TM9SF3: variants seen among roughly 807,000 people sequenced by gnomAD.
TM9SF3 encodes the protein transmembrane 9 superfamily member 3, also known as SM-11044-binding protein.
TM9SF3 carries 14 observed loss-of-function variants against 78.6 expected under a neutral mutation model. That is an observed-to-expected ratio of 0.18 (90% CI 0.12 to 0.28). The LOEUF (loss-of-function observed/expected upper bound fraction) is 0.28, where lower values mean the gene tolerates loss of function less well. TM9SF3 is among the 10% of genes least tolerant of loss of function. TM9SF3 has a pLI of 1.00. For synonymous variants in TM9SF3, 231 were observed against 241.7 expected, an observed-to-expected ratio of 0.96 and a Z score of 0.41; for missense variants, 496 against 721.9, an observed-to-expected ratio of 0.69 and a Z score of 3.59.
At chr10:96,579,577 A>G (rs1166788757) in intron 1 of TM9SF3, among the ~76,000 whole-genome samples, 1 of 152,194 alleles carries the variant, frequency 6.6e-6, no homozygotes, top group Non-Finnish European at 1.5e-5. Flanking sequence ...TCCTTAACAG[A>G]GTGGTAGAGT....
At chr10:96,547,776 C>T in intron 8 of TM9SF3, 119 bp downstream of exon 8, 2 of 781,696 alleles carry the variant, frequency 2.6e-6, no homozygotes, top group Non-Finnish European at 4.1e-6. Context: ...GCAGAGATTG[C>T]ACCACTGCAC....
chr10:96,562,166 G>A (rs777051203), intron 3 of TM9SF3, 28 bp from the exon 4 acceptor site: 1 of 1,527,068 alleles, frequency 6.5e-7, no homozygotes, highest in Non-Finnish European at 8.9e-7. Context: ...CTTTATACAA[G>A]GTAAAACCAC....
intron 8 of TM9SF3, among the ~76,000 whole-genome samples, chr10:96,546,748 G>A (rs1589452197): frequency 6.6e-6 from 1 of 152,036 alleles, no homozygotes; most frequent in East Asian, 1.9e-4. Context: ...AAAAAGCAAT[G>A]GTAAACCAAG....
At chr10:96,572,982 G>A (rs1025982170) in intron 2 of TM9SF3, among the ~76,000 whole-genome samples, 3 of 151,992 alleles carry the variant, frequency 2.0e-5, no homozygotes, top group Non-Finnish European at 2.9e-5. Flanking sequence ...TTTACAAAAC[G>A]ATACCAATCC....
chr10:96,569,719 T>C (rs929173685), intron 2 of TM9SF3, among the ~76,000 whole-genome samples: 1 of 151,986 alleles, frequency 6.6e-6, no homozygotes. Flanking sequence ...GAAGGAAGGA[T>C]CAAAATATCA....
intron 3 of TM9SF3, 78 bp from the exon 4 acceptor site, chr10:96,562,216 G>GTTTTTT (rs34868868): frequency 1.1e-4 from 64 of 561,128 alleles, no homozygotes; most frequent in South Asian, 3.4e-4. Context: ...TGCTCATTAA[G>GTTTTTT]TTTTTTTTTT....
intron 2 of TM9SF3, among the ~76,000 whole-genome samples, chr10:96,575,226 C>T (rs1848483603): frequency 6.6e-6 from 1 of 152,116 alleles, no homozygotes; most frequent in South Asian, 2.1e-4. Flanking sequence ...TAGAAATGCA[C>T]ACCAAATACG....
chr10:96,554,240 C>T (rs920107923), intron 5 of TM9SF3, among the ~76,000 whole-genome samples: 2 of 152,206 alleles, frequency 1.3e-5, no homozygotes, highest in Non-Finnish European at 2.9e-5. Flanking sequence ...CTATTATTCT[C>T]TTTTGAAGTG....
intron 1 of TM9SF3, among the ~76,000 whole-genome samples, chr10:96,585,448 ATTATC>A (rs1374618284): frequency 6.6e-6 from 1 of 152,238 alleles, no homozygotes; most frequent in Non-Finnish European, 1.5e-5. Flanking sequence ...TCCCAACAAA[ATTATC>A]TTAGGTGAAA....
At chr10:96,567,084 CTTTTTTTT>C (rs5787198) in intron 2 of TM9SF3, among the ~76,000 whole-genome samples, 1 of 124,846 alleles carries the variant, frequency 8.0e-6, no homozygotes, top group Non-Finnish European at 1.6e-5. Context: ...TGTATAAAGC[CTTTTTTTT>C]TTTTTTTTTG....
Position 96,551,252 on chromosome 10 carries a change from A to G in TM9SF3, c.952T>C (p.Tyr318His). The change falls in exon 7 of 15, where the codon TAT (tyrosine) becomes CAT (histidine). Residue 318 changes from tyrosine to histidine, a missense_variant. By Grantham distance (83) the Tyr-to-His change is moderately conservative. Transcript: ENST00000371142. ...TTAAGTGTAGGCACTTACTCAGTAT[A>G]TAAATCTTCTATCATTGCAACAATA... Reference protein sequence around the residue: ...VIIVAMIEDLYTERGSMLSTA... With the variant: ...VIIVAMIEDLHTERGSMLSTA... 6.2e-7 allele frequency: 1 copy of G among 1,610,622 alleles called. No individual in the cohort carries two copies. Among genetic ancestry groups the G allele is most frequent in the Non-Finnish European group, 8.5e-7 (1 of 1,178,994 alleles).
chr10:96,560,673 G>T, intron 4 of TM9SF3: 1 of 604,950 alleles, frequency 1.7e-6, no homozygotes, highest in South Asian at 1.4e-5. Flanking sequence ...TGAAGATGAT[G>T]ATGATGATGA....
intron 9 of TM9SF3, among the ~76,000 whole-genome samples, chr10:96,534,022 T>G (rs1030329154): frequency 1.3e-5 from 2 of 152,100 alleles, no homozygotes; most frequent in African/African-American, 4.8e-5. Flanking sequence ...ATTATACACT[T>G]TAGGTTATAA....
intron 11 of TM9SF3, among the ~76,000 whole-genome samples, chr10:96,530,189 T>C (rs111357997): frequency 3.3e-5 from 5 of 152,254 alleles, no homozygotes; most frequent in African/African-American, 1.2e-4. Flanking sequence ...GTTTACCTAG[T>C]TCCCTAGATC....
rs1847899708 is a variant in TM9SF3, at chr10:96,531,854, C to T, written c.1325+1197G>A. Among the ~76,000 whole-genome samples the T allele has an allele frequency of 2.6e-5, 4 of 152,092 alleles. No individual in the cohort carries two copies. The South Asian group carries it at 8.3e-4, about 32-fold the overall frequency. ...ACTATGCTTTTCCTTTAAACTTACC[C>T]TTCCCAGTAAGGATATTGATGGGTC... is the stretch of plus-strand genomic sequence containing the variant. On this transcript the variant is annotated intron_variant, in intron 10 of 14. Coordinates refer to ENST00000371142, the MANE Select transcript of TM9SF3 (RefSeq NM_020123.4).
At chr10:96,547,735 G>A (rs191946781) in intron 8 of TM9SF3, among the ~76,000 whole-genome samples, 160 bp downstream of exon 8, 67 of 152,210 alleles carry the variant, frequency 4.4e-4, no homozygotes, top group Admixed American at 1.2e-3. Context: ...CACGAGAATC[G>A]CTTGAACCCA....
At position 96,520,588 on chromosome 10, in the gene TM9SF3, C is replaced by T. The variant is rs951467275; in HGVS notation, c.*1675G>A. Reference sequence around the variant, plus strand: ...AAGTATTGTTTTAGGTGGTCATTTGCATAGCAAACTATTAAACTAGAAACT... The same window carrying T: ...AAGTATTGTTTTAGGTGGTCATTTGTATAGCAAACTATTAAACTAGAAACT... On this transcript the variant is annotated 3_prime_UTR_variant, in exon 15 of 15. Transcript: ENST00000371142. 3.4e-6 allele frequency: 1 copy of T among 290,922 alleles called. No individual in the cohort carries two copies. Among genetic ancestry groups the T allele is most frequent in the African/African-American group, 2.3e-5 (1 of 43,666 alleles). 18.0% of individuals were successfully genotyped at this position (290,922 alleles called of 1,614,324 possible). A position where few individuals can be genotyped will look rare whatever the true frequency, so the allele number is the denominator to read the frequency against.
intron 7 of TM9SF3, among the ~76,000 whole-genome samples, chr10:96,548,516 G>A (rs1848127535): frequency 6.6e-6 from 1 of 152,058 alleles, no homozygotes; most frequent in South Asian, 2.1e-4. Flanking sequence ...ATGATTTTTA[G>A]GCCGCGCACA....
chr10:96,532,135 A>G (rs960437078), intron 10 of TM9SF3, among the ~76,000 whole-genome samples: 18 of 151,184 alleles, frequency 1.2e-4, no homozygotes, highest in Admixed American at 7.9e-4. Context: ...GCATGAATCC[A>G]GGAAGTGGAG....
Sources: gnomAD v4.1 joint callset for allele counts (sites outside exome capture counted in the v4.1 genomes callset) on GRCh38, gnomAD v4.1.1 for gene constraint, MANE v1.5 for transcripts, NCBI Gene and HGNC (gene_info 2026-07-23, HGNC 2026-07-21) for gene names.